SPAG16: variants seen among roughly 807,000 people sequenced by gnomAD.
SPAG16 encodes the protein sperm associated antigen 16, also known as sperm-associated antigen 16 protein.
Under a neutral mutation model 80.4 loss-of-function variants are expected in SPAG16, and 86 were observed. That is an observed-to-expected ratio of 1.07 (90% CI 0.90 to 1.28). The LOEUF is 1.28. Ranked by LOEUF, SPAG16 falls within the 50% of genes most tolerant of loss-of-function variation. The pLI, the probability that SPAG16 is intolerant of heterozygous loss-of-function variation, is 0.00. For missense variants in SPAG16, 870 were observed against 765.3 expected (o/e 1.14, Z -1.61); for synonymous variants, 294 against 265.9 (o/e 1.11, Z -1.03).
intron 10 of SPAG16, among the ~76,000 whole-genome samples, chr2:213,741,383 C>G (rs1300806555): frequency 6.6e-6 from 1 of 152,120 alleles, no homozygotes; most frequent in Admixed American, 6.6e-5. Flanking sequence ...TTCTCTACCT[C>G]CCCAAGTCTG....
intron 10 of SPAG16, among the ~76,000 whole-genome samples, chr2:213,578,848 A>T (rs530680627): frequency 2.0e-5 from 3 of 151,876 alleles, no homozygotes; most frequent in African/African-American, 7.2e-5. Flanking sequence ...TTTTTTTTTT[A>T]CATAGGTGAC....
intron 15 of SPAG16, among the ~76,000 whole-genome samples, chr2:214,152,047 T>C (rs2055999003): frequency 6.6e-6 from 1 of 152,194 alleles, no homozygotes; most frequent in Non-Finnish European, 1.5e-5. Context: ...GACAGATCTT[T>C]ATAAATAAGG....
At chr2:214,167,444 T>C (rs2056701301) in intron 15 of SPAG16, among the ~76,000 whole-genome samples, 1 of 152,114 alleles carries the variant, frequency 6.6e-6, no homozygotes, top group Non-Finnish European at 1.5e-5. Flanking sequence ...ATTTGTGTTA[T>C]GTGTTCAGCT....
At chr2:213,926,236 A>C (rs935808252) in intron 11 of SPAG16, among the ~76,000 whole-genome samples, 2 of 151,978 alleles carry the variant, frequency 1.3e-5, no homozygotes, top group African/African-American at 4.8e-5. Context: ...TACTTTATTT[A>C]TTTTTATTTT....
intron 15 of SPAG16, among the ~76,000 whole-genome samples, chr2:214,298,949 G>T (rs1694349820): frequency 1.3e-5 from 2 of 152,078 alleles, no homozygotes; most frequent in Non-Finnish European, 2.9e-5. Context: ...GAACAAATTT[G>T]GTATTTTTGT....
chr2:214,355,993 A>AG (rs1174154201), intron 15 of SPAG16, among the ~76,000 whole-genome samples: 11 of 125,784 alleles, frequency 8.7e-5, no homozygotes, highest in Non-Finnish European at 1.4e-4. Context: ...GGACACAGGA[A>AG]GGGGAACATT....
intron 15 of SPAG16, among the ~76,000 whole-genome samples, chr2:214,335,264 G>A (rs961164159): frequency 2.6e-5 from 4 of 152,070 alleles, no homozygotes; most frequent in African/African-American, 7.2e-5. Flanking sequence ...AGTTGTAGCC[G>A]TCAGTAGCCA....
At chr2:213,435,333 T>G (rs1162501686) in intron 9 of SPAG16, among the ~76,000 whole-genome samples, 2 of 152,128 alleles carry the variant, frequency 1.3e-5, no homozygotes, top group East Asian at 3.9e-4. Context: ...TGCTAAAAAA[T>G]GTATGCACAC....
intron 10 of SPAG16, among the ~76,000 whole-genome samples, chr2:213,653,667 T>G (rs1293191269): frequency 6.6e-6 from 1 of 152,186 alleles, no homozygotes; most frequent in Non-Finnish European, 1.5e-5. Flanking sequence ...TATATCCATC[T>G]CTCAAAATTG....
At chr2:213,709,960 C>T (rs1437526516) in intron 10 of SPAG16, among the ~76,000 whole-genome samples, 1 of 152,096 alleles carries the variant, frequency 6.6e-6, no homozygotes, top group Admixed American at 6.6e-5. Flanking sequence ...GTGCAAGTTA[C>T]TGTACACAAA....
At chr2:213,778,435 AT>A (rs1365768991) in intron 10 of SPAG16, among the ~76,000 whole-genome samples, 2 of 152,116 alleles carry the variant, frequency 1.3e-5, no homozygotes, top group Non-Finnish European at 2.9e-5. Context: ...AGGGGCAAAA[AT>A]TTTTATACCT....
chr2:214,298,131 CACAT>C (rs1553548660), intron 15 of SPAG16, among the ~76,000 whole-genome samples: 1 of 144,372 alleles, frequency 6.9e-6, no homozygotes, highest in East Asian at 2.0e-4. Flanking sequence ...CACACACACA[CACAT>C]ACACATACAC....
At chr2:213,751,974 CTG>C (rs2068095951) in intron 10 of SPAG16, among the ~76,000 whole-genome samples, 1 of 152,120 alleles carries the variant, frequency 6.6e-6, no homozygotes, top group Non-Finnish European at 1.5e-5. Context: ...TAAATCAAAA[CTG>C]TAAACTAAAC....
At chr2:214,298,157 T>TAC (rs1242809110) in intron 15 of SPAG16, among the ~76,000 whole-genome samples, 3 of 131,322 alleles carry the variant, frequency 2.3e-5, no homozygotes, top group African/African-American at 6.9e-5. Flanking sequence ...CACACACACA[T>TAC]ATACACACAC....
chr2:214,134,900 C>T (rs1044080220), intron 14 of SPAG16, among the ~76,000 whole-genome samples: 1 of 152,114 alleles, frequency 6.6e-6, no homozygotes, highest in Non-Finnish European at 1.5e-5. Context: ...CACCACATTC[C>T]CCATGGAGTA....
At chr2:214,080,220 C>T (rs1355123127) in intron 13 of SPAG16, among the ~76,000 whole-genome samples, 4 of 152,076 alleles carry the variant, frequency 2.6e-5, no homozygotes, top group Admixed American at 6.6e-5. Context: ...GACATTAAAA[C>T]CATCAACAAA....
intron 13 of SPAG16, among the ~76,000 whole-genome samples, chr2:214,052,701 T>C (rs1043027924): frequency 5.9e-5 from 9 of 152,344 alleles, no homozygotes; most frequent in African/African-American, 2.2e-4. Flanking sequence ...AATTGCACTT[T>C]GGTTCCCCCT....
intron 15 of SPAG16, among the ~76,000 whole-genome samples, chr2:214,232,976 A>G (rs1291906412): frequency 6.6e-6 from 1 of 152,134 alleles, no homozygotes; most frequent in Non-Finnish European, 1.5e-5. Flanking sequence ...GAAATGAATG[A>G]GCACAGAGCA....
chr2:214,283,680 A>C (rs1693132572), intron 15 of SPAG16, among the ~76,000 whole-genome samples: 1 of 152,162 alleles, frequency 6.6e-6, no homozygotes, highest in Non-Finnish European at 1.5e-5. Flanking sequence ...CTCCAAACTA[A>C]TGCTTTCTGC....
Sources: gnomAD v4.1 joint callset for allele counts (sites outside exome capture counted in the v4.1 genomes callset) on GRCh38, gnomAD v4.1.1 for gene constraint, MANE v1.5 for transcripts, NCBI Gene and HGNC (gene_info 2026-07-23, HGNC 2026-07-21) for gene names.